Variants in HOOK3 observed in about 807,000 individuals in gnomAD.
HOOK3 encodes the protein hook microtubule tethering protein 3.
Under a neutral mutation model 116.3 loss-of-function variants are expected in HOOK3, and 24 were observed. The ratio of observed to expected loss-of-function variants is 0.21; its 90% CI spans 0.15 to 0.29. The LOEUF is 0.29. HOOK3 is among the 10% of genes least tolerant of loss of function. HOOK3 has a pLI of 1.00. For missense variants in HOOK3, 632 were observed against 830.2 expected (o/e 0.76, Z 2.93); for synonymous variants, 275 against 283.0 (o/e 0.97, Z 0.28).
At chr8:42,919,537 G>A (rs1807608038) in intron 2 of HOOK3, among the ~76,000 whole-genome samples, 1 of 152,114 alleles carries the variant, frequency 6.6e-6, no homozygotes, top group African/African-American at 2.4e-5. Context: ...TTCCTAGACG[G>A]GGTGGCGGCC....
Position 43,007,909 on chromosome 8 carries a change from A to G in HOOK3, c.1718A>G (p.Glu573Gly), listed in dbSNP as rs1809523428. The change falls in exon 18 of 22, where the codon GAG becomes GGG. Residue 573 changes from glutamate to glycine, a missense_variant. By Grantham distance (98) the Glu-to-Gly change is moderately conservative (BLOSUM62 -2). Coordinates refer to ENST00000307602, the MANE Select transcript of HOOK3 (RefSeq NM_032410.4). ...AAGAGAGCCATTATTGAAGATCTCGAGCCAAGATTTAACAACAGCTGTGAG... is the reference window on the plus strand; with the variant it reads ...AAGAGAGCCATTATTGAAGATCTCGGGCCAAGATTTAACAACAGCTGTGAG... ...QKKRAIIEDL[E>G]PRFNNSSLKI... 6.3e-7 allele frequency: 1 copy of G among 1,595,412 alleles called. No individual in the cohort carries two copies. The highest frequency in any genetic ancestry group is 8.6e-7 in the Non-Finnish European group (1 of 1,168,130).
rs1809939505 is a variant in HOOK3, at chr8:43,026,754, G to T, written c.*8256G>T. The T allele has an allele frequency of 4.4e-6, 1 of 228,508 alleles. No individual in the cohort carries two copies. 14.2% of individuals were successfully genotyped at this position (228,508 alleles called of 1,614,324 possible). A position where few individuals can be genotyped will look rare whatever the true frequency, so the allele number is the denominator to read the frequency against. On this transcript the variant is annotated 3_prime_UTR_variant, in exon 22 of 22. Transcript: ENST00000307602. ...AAAGCCAAGTTCTGGGAGCTGTCAA[G>T]TCGGAGGATCAGGAAAATGGTGGGG...
At chr8:42,916,034 C>A (rs376548908) in intron 2 of HOOK3, among the ~76,000 whole-genome samples, 2 of 152,124 alleles carry the variant, frequency 1.3e-5, no homozygotes, top group East Asian at 3.9e-4. Flanking sequence ...CTGGCTCATC[C>A]CAGGCCCACC....
chr8:42,975,004 G>A (rs1184288223), intron 13 of HOOK3, among the ~76,000 whole-genome samples: 1 of 152,188 alleles, frequency 6.6e-6, no homozygotes, highest in African/African-American at 2.4e-5. Context: ...GCCCTCACTA[G>A]AGGATATGAA....
intron 6 of HOOK3, among the ~76,000 whole-genome samples, chr8:42,955,948 T>C (rs1342109398): frequency 6.6e-6 from 1 of 152,120 alleles, no homozygotes; most frequent in Non-Finnish European, 1.5e-5. Flanking sequence ...GATCACAGTA[T>C]TCTCCAACTC....
At chr8:42,930,266 T>C in intron 4 of HOOK3, 94 bp downstream of exon 4, 1 of 1,102,816 alleles carries the variant, frequency 9.1e-7, no homozygotes, top group Non-Finnish European at 1.2e-6. Flanking sequence ...GCTTTCAAAA[T>C]TAATAATCAG....
At chr8:42,901,012 G>T (rs1334623221) in intron 1 of HOOK3, among the ~76,000 whole-genome samples, 2 of 152,210 alleles carry the variant, frequency 1.3e-5, no homozygotes, top group Non-Finnish European at 1.5e-5. Flanking sequence ...GACATTTTGC[G>T]CTGGACAGTT....
intron 10 of HOOK3, among the ~76,000 whole-genome samples, chr8:42,967,036 C>T (rs1313745103): frequency 1.3e-5 from 2 of 151,996 alleles, no homozygotes; most frequent in Non-Finnish European, 2.9e-5. Flanking sequence ...ATTTTTTCAC[C>T]CCTCTGCTTG....
intron 13 of HOOK3, among the ~76,000 whole-genome samples, chr8:42,979,421 A>ACTT (rs1270150560): frequency 6.6e-6 from 1 of 152,178 alleles, no homozygotes; most frequent in Non-Finnish European, 1.5e-5. Context: ...AAAGAACCAC[A>ACTT]CTTCGCTCAA....
chr8:42,999,485 C>T (rs1195681868), intron 16 of HOOK3, among the ~76,000 whole-genome samples: 2 of 152,176 alleles, frequency 1.3e-5, no homozygotes, highest in Admixed American at 1.3e-4. Context: ...GTTCTTGCCC[C>T]AGCAAATATT....
chr8:42,912,361 C>G (rs1365192064), intron 2 of HOOK3, among the ~76,000 whole-genome samples: 1 of 147,900 alleles, frequency 6.8e-6, no homozygotes, highest in Non-Finnish European at 1.5e-5. Context: ...CTGTTGACAT[C>G]TCTCTTTGTC....
chr8:42,975,033 C>T (rs931103695), intron 13 of HOOK3, among the ~76,000 whole-genome samples: 1 of 152,020 alleles, frequency 6.6e-6, no homozygotes, highest in Non-Finnish European at 1.5e-5. Context: ...CTTGGCGTAG[C>T]GACGGGAAGG....
chr8:42,911,771 A>G (rs1454614013), intron 2 of HOOK3, among the ~76,000 whole-genome samples: 1 of 152,198 alleles, frequency 6.6e-6, no homozygotes, highest in Non-Finnish European at 1.5e-5. Flanking sequence ...AAATACACTG[A>G]AGACAGTATC....
chr8:43,015,045 G>T (rs1257268314), intron 21 of HOOK3, among the ~76,000 whole-genome samples: 1 of 151,844 alleles, frequency 6.6e-6, no homozygotes, highest in Non-Finnish European at 1.5e-5. Context: ...TACTCAGGAG[G>T]CTGAGGCACG....
At chr8:42,936,044 G>A (rs938960658) in intron 4 of HOOK3, among the ~76,000 whole-genome samples, 1 of 152,150 alleles carries the variant, frequency 6.6e-6, no homozygotes, top group African/African-American at 2.4e-5. Context: ...TTGTTCATTT[G>A]TTTGTGTCCT....
chr8:42,901,211 AG>A (rs1213633776), intron 1 of HOOK3, among the ~76,000 whole-genome samples: 2 of 151,994 alleles, frequency 1.3e-5, no homozygotes, highest in Non-Finnish European at 2.9e-5. Flanking sequence ...TTTGTTGGGG[AG>A]GGGGAGGTAG....
chr8:42,905,369 C>G (rs988639346), intron 1 of HOOK3, among the ~76,000 whole-genome samples: 2 of 140,702 alleles, frequency 1.4e-5, no homozygotes, highest in African/African-American at 2.8e-5. Flanking sequence ...TTCTTTCTAG[C>G]TCTTCTCTCT....
intron 2 of HOOK3, among the ~76,000 whole-genome samples, chr8:42,917,427 C>T (rs146910581): frequency 1.0e-3 from 159 of 152,270 alleles, no homozygotes; most frequent in African/African-American, 3.8e-3. Flanking sequence ...TCTAATAAAT[C>T]GGTTGGTTCC....
chr8:42,976,122 T>C (rs1227905060), intron 13 of HOOK3, among the ~76,000 whole-genome samples: 2 of 152,014 alleles, frequency 1.3e-5, no homozygotes, highest in Non-Finnish European at 2.9e-5. Flanking sequence ...TAAGTCTAAT[T>C]CCTACTTTGT....
Sources: gnomAD v4.1 joint callset for allele counts (sites outside exome capture counted in the v4.1 genomes callset) on GRCh38, gnomAD v4.1.1 for gene constraint, MANE v1.5 for transcripts, NCBI Gene and HGNC (gene_info 2026-07-23, HGNC 2026-07-21) for gene names.